WBP1L: variants seen among roughly 807,000 people sequenced by gnomAD.
WBP1L encodes the protein WW domain binding protein 1 like.
In WBP1L, 17 loss-of-function variants were observed where a neutral mutation model predicts 33.7. That is an observed-to-expected ratio of 0.50 (90% confidence interval 0.34 to 0.76). WBP1L has a LOEUF of 0.76. WBP1L is among the 30% of genes least tolerant of loss of function. WBP1L has a pLI of 0.01. For synonymous variants in WBP1L, 173 were observed against 190.8 expected (o/e 0.91, Z 0.77); for missense variants, 389 against 469.4 (o/e 0.83, Z 1.58).
chr10:102,805,469 G>T (rs770198341), intron 2 of WBP1L, among the ~76,000 whole-genome samples: 3 of 151,106 alleles, frequency 2.0e-5, no homozygotes, highest in Non-Finnish European at 4.4e-5. Context: ...ATGGGATCTC[G>T]CTGTGTTACC....
intron 1 of WBP1L, among the ~76,000 whole-genome samples, chr10:102,762,161 G>C (rs180997387): frequency 6.6e-6 from 1 of 152,054 alleles, no homozygotes; most frequent in African/African-American, 2.4e-5. Flanking sequence ...CCATCTTTTA[G>C]TGGTCGCACC....
intron 2 of WBP1L, among the ~76,000 whole-genome samples, chr10:102,805,203 C>A (rs1211623575): frequency 6.6e-6 from 1 of 152,098 alleles, no homozygotes; most frequent in Non-Finnish European, 1.5e-5. Context: ...GCTCCTTGAG[C>A]CCAGGAGTTG....
At chr10:102,798,139 T>C (rs1214239964) in intron 2 of WBP1L, 44 bp downstream of exon 2, 1 of 1,540,528 alleles carries the variant, frequency 6.5e-7, no homozygotes, top group African/African-American at 1.4e-5. Context: ...AGGGTCCCAG[T>C]TACTGCCTCT....
chr10:102,758,186 T>C (rs1023966208), intron 1 of WBP1L, among the ~76,000 whole-genome samples: 1 of 144,092 alleles, frequency 6.9e-6, no homozygotes, highest in Admixed American at 7.0e-5. Flanking sequence ...TGCACAGCCC[T>C]TTTTTTTTTT....
chr10:102,773,405 G>T (rs905575168), intron 1 of WBP1L, among the ~76,000 whole-genome samples: 6 of 152,128 alleles, frequency 3.9e-5, no homozygotes, highest in Non-Finnish European at 5.9e-5. Context: ...TCTGTGAGAA[G>T]ATAAAAATAG....
intron 1 of WBP1L, among the ~76,000 whole-genome samples, chr10:102,772,195 T>C (rs926600313): frequency 1.3e-5 from 2 of 150,398 alleles, no homozygotes; most frequent in Non-Finnish European, 3.0e-5. Flanking sequence ...CCCGACTTCG[T>C]GATCCACCCG....
chr10:102,805,774 C>T (rs150978145), intron 2 of WBP1L, among the ~76,000 whole-genome samples: 5 of 151,480 alleles, frequency 3.3e-5, no homozygotes, highest in Middle Eastern at 3.4e-3. Flanking sequence ...GGTGCATGCC[C>T]GTAGTCCCAG....
At chr10:102,760,071 C>T (rs996596609) in intron 1 of WBP1L, among the ~76,000 whole-genome samples, 11 of 152,252 alleles carry the variant, frequency 7.2e-5, no homozygotes, top group South Asian at 4.2e-4. Flanking sequence ...AGTAGTTTCT[C>T]ATTGTGATTT....
chr10:102,770,537 A>ACTGTGTGGGAAC (rs1473356165), intron 1 of WBP1L, among the ~76,000 whole-genome samples: 4 of 152,162 alleles, frequency 2.6e-5, no homozygotes, highest in African/African-American at 9.7e-5. Context: ...CCAGATGGCA[A>ACTGTGTGGGAAC]AGGTGTGGGA....
chr10:102,808,452 A>G (rs775149485), intron 2 of WBP1L, among the ~76,000 whole-genome samples: 4 of 152,204 alleles, frequency 2.6e-5, no homozygotes, highest in East Asian at 1.9e-4. Context: ...TTCTCTGAGT[A>G]TGATCCCAGA....
intron 2 of WBP1L, among the ~76,000 whole-genome samples, chr10:102,808,637 A>G (rs1281286967): frequency 6.6e-6 from 1 of 152,238 alleles, no homozygotes; most frequent in Non-Finnish European, 1.5e-5. Flanking sequence ...GATTAGGATT[A>G]TGTCGAGAGC....
In WBP1L at chr10:102,814,279, G is replaced by C. The variant is rs1369342851; in HGVS notation, c.*948G>C. The C allele has an allele frequency of 1.3e-5, 2 of 152,386 alleles. No individual in the cohort carries two copies. Among genetic ancestry groups the C allele is most frequent in the African/African-American group, 4.8e-5 (2 of 41,430 alleles). The allele number at this position is 152,386 out of a possible 1,614,324, so 9.4% of individuals were successfully genotyped here. A position where few individuals can be genotyped will look rare whatever the true frequency, so the allele number is the denominator to read the frequency against. Reference sequence around the variant, plus strand: ...AGCCGCAGCAGTGGATAGAGGTGCAGCTCTCTGCCTCTCTGCCCTTTGGTC... The same window carrying C: ...AGCCGCAGCAGTGGATAGAGGTGCACCTCTCTGCCTCTCTGCCCTTTGGTC... On this transcript the variant is annotated 3_prime_UTR_variant, in exon 4 of 4. Transcript: ENST00000448841.
intron 1 of WBP1L, among the ~76,000 whole-genome samples, chr10:102,772,221 G>A (rs1843196768): frequency 6.9e-6 from 1 of 145,146 alleles, no homozygotes; most frequent in African/African-American, 2.6e-5. Flanking sequence ...GCCTCCTAAA[G>A]TGCTGGGATT....
chr10:102,766,484 T>C (rs1396226541), intron 1 of WBP1L, among the ~76,000 whole-genome samples: 1 of 147,112 alleles, frequency 6.8e-6, no homozygotes, highest in African/African-American at 2.5e-5. Context: ...AAGTTGGGCA[T>C]TGTAGTAAAC....
chr10:102,764,716 A>G (rs1564756370), intron 1 of WBP1L, among the ~76,000 whole-genome samples: 1 of 152,334 alleles, frequency 6.6e-6, no homozygotes, highest in South Asian at 2.1e-4. Context: ...GTTTTTAACC[A>G]TGAAATCTTA....
At chr10:102,786,134 T>C (rs1469169276) in intron 1 of WBP1L, among the ~76,000 whole-genome samples, 2 of 152,238 alleles carry the variant, frequency 1.3e-5, no homozygotes, top group African/African-American at 4.8e-5. Context: ...GAGGATGTAG[T>C]TGCAGTGCAG....
At chr10:102,800,759 C>T (rs1251816096) in intron 2 of WBP1L, among the ~76,000 whole-genome samples, 1 of 152,200 alleles carries the variant, frequency 6.6e-6, no homozygotes, top group African/African-American at 2.4e-5. Flanking sequence ...CTGAAGTTCT[C>T]ATCAAAATGG....
chr10:102,774,686 G>A (rs1445251504), intron 1 of WBP1L, among the ~76,000 whole-genome samples: 115 of 152,280 alleles, frequency 7.6e-4, no homozygotes, highest in Non-Finnish European at 2.2e-4. Context: ...AATCATTTCT[G>A]ACTTACATGG....
chr10:102,744,285 G>A, intron 1 of WBP1L, 142 bp downstream of exon 1: 1 of 1,276,638 alleles, frequency 7.8e-7, no homozygotes, highest in Admixed American at 3.3e-5. Flanking sequence ...GGATCTAAAG[G>A]GGCGTCGGTA....
Sources: gnomAD v4.1 joint callset for allele counts (sites outside exome capture counted in the v4.1 genomes callset) on GRCh38, gnomAD v4.1.1 for gene constraint, MANE v1.5 for transcripts, NCBI Gene and HGNC (gene_info 2026-07-23, HGNC 2026-07-21) for gene names.